The following RASSF5 variants were observed in gnomAD, a reference collection of about 807,000 sequenced individuals.
The protein encoded by RASSF5 is Ras association domain family member 5, also known as ras association domain-containing protein 5.
In RASSF5, 25 loss-of-function variants were observed where a neutral mutation model predicts 40.5. The ratio of observed to expected loss-of-function variants is 0.62; its 90% CI spans 0.45 to 0.86. The LOEUF (loss-of-function observed/expected upper bound fraction) is 0.86, where lower values mean the gene tolerates loss of function less well. RASSF5 is among the 40% of genes least tolerant of loss of function. The probability of loss-of-function intolerance (pLI) is 0.00; values close to 1 mark genes in which losing one functional copy is unlikely to be tolerated. For synonymous variants in RASSF5, 246 were observed against 252.4 expected, an observed-to-expected ratio of 0.97 and a Z score of 0.24; for missense variants, 521 against 572.8, an observed-to-expected ratio of 0.91 and a Z score of 0.92.
rs1370567604 is a variant in RASSF5 at position 206,558,231 on chromosome 1, G to A, written c.579+19938G>A. ...CAGACGAAAACTTCTGGCCTAGGCTGCTGTCATGCTACCACTTTAACTTCC... is the reference window on the plus strand; with the variant it reads ...CAGACGAAAACTTCTGGCCTAGGCTACTGTCATGCTACCACTTTAACTTCC... On this transcript the variant is annotated intron_variant, in intron 2 of 5. Coordinates refer to ENST00000579436, the MANE Select transcript of RASSF5 (RefSeq NM_182663.4). 4.1e-4 allele frequency among the ~76,000 whole-genome samples: 63 copies of A among 152,218 alleles called. 1 individual carries two copies. The highest frequency in any genetic ancestry group is 2.9e-5 in the Non-Finnish European group (2 of 68,032).
intron 1 of RASSF5, among the ~76,000 whole-genome samples, chr1:206,527,593 C>T (rs143878100): frequency 6.6e-6 from 1 of 152,274 alleles, no homozygotes; most frequent in Non-Finnish European, 1.5e-5. Flanking sequence ...ATGCTGGCAG[C>T]CTCCAAGGCT....
At chr1:206,555,642 C>T (rs574153687) in intron 2 of RASSF5, among the ~76,000 whole-genome samples, 2 of 152,338 alleles carry the variant, frequency 1.3e-5, no homozygotes, top group African/African-American at 4.8e-5. Flanking sequence ...GGGTGCTGAC[C>T]GTCTCCCTCC....
At chr1:206,532,180 A>G (rs1667259521) in intron 1 of RASSF5, among the ~76,000 whole-genome samples, 1 of 152,240 alleles carries the variant, frequency 6.6e-6, no homozygotes, top group Non-Finnish European at 1.5e-5. Flanking sequence ...TGTTTTGGAA[A>G]TACCTATAGG....
intron 1 of RASSF5, among the ~76,000 whole-genome samples, chr1:206,519,826 C>G (rs7544154): frequency 0.53 from 81,099 of 151,990 alleles, 21,787 homozygotes; most frequent in South Asian, 0.71. Context: ...AATTTTAATT[C>G]AACTAGCCCT....
At chr1:206,559,066 A>G (rs146152075) in intron 2 of RASSF5, among the ~76,000 whole-genome samples, 63 of 152,358 alleles carry the variant, frequency 4.1e-4, no homozygotes, top group African/African-American at 1.4e-3. Context: ...TTTAGAAAAT[A>G]CTGGTGATAC....
chr1:206,539,716 AG>A (rs1489781240), intron 2 of RASSF5, among the ~76,000 whole-genome samples: 1 of 152,192 alleles, frequency 6.6e-6, no homozygotes, highest in East Asian at 1.9e-4. Context: ...GATGGGACAC[AG>A]GGAAAGGAGA....
intron 2 of RASSF5, among the ~76,000 whole-genome samples, chr1:206,553,688 C>A (rs1447622628): frequency 6.6e-6 from 1 of 152,110 alleles, no homozygotes; most frequent in Non-Finnish European, 1.5e-5. Context: ...GACTTACCCC[C>A]CAAGGAGAGC....
chr1:206,553,505 G>A (rs900102674), intron 2 of RASSF5, among the ~76,000 whole-genome samples: 10 of 152,182 alleles, frequency 6.6e-5, no homozygotes, highest in Admixed American at 5.9e-4. Flanking sequence ...AGCAGGTAGC[G>A]GACAAGGGAG....
chr1:206,581,649 GAGAA>G (rs1437904049), intron 2 of RASSF5, among the ~76,000 whole-genome samples: 5 of 151,194 alleles, frequency 3.3e-5, no homozygotes, highest in African/African-American at 9.8e-5. Flanking sequence ...GAGAGAGAGA[GAGAA>G]AGAAAAGGAA....
At chr1:206,523,651 TA>T (rs1666984116) in intron 1 of RASSF5, among the ~76,000 whole-genome samples, 1 of 99,566 alleles carries the variant, frequency 1.0e-5, no homozygotes, top group African/African-American at 4.1e-5. Context: ...ATAATATATT[TA>T]TATAAAATAT....
At chr1:206,556,264 C>T (rs902108208) in intron 2 of RASSF5, among the ~76,000 whole-genome samples, 2 of 152,240 alleles carry the variant, frequency 1.3e-5, no homozygotes, top group African/African-American at 2.4e-5. Context: ...TCCCAGCACA[C>T]GTGTTCTACC....
chr1:206,569,232 A>G (rs977118219), intron 2 of RASSF5, among the ~76,000 whole-genome samples: 4 of 152,250 alleles, frequency 2.6e-5, no homozygotes, highest in African/African-American at 9.6e-5. Flanking sequence ...CCAGTGGGGT[A>G]CAGAAGCCCA....
rs1668979427 is a variant in RASSF5 at position 206,583,515 on chromosome 1, G to C, written c.690+136G>C. The stretch of plus-strand genomic sequence containing the variant: ...TTTCCTCCGGCCTCCAGAGGCCTCC[G>C]GGGTCTGGAAGGCTGATAGCCAGAG... On this transcript the variant is annotated intron_variant, in intron 3 of 5. Coordinates refer to ENST00000579436, the MANE Select transcript of RASSF5 (RefSeq NM_182663.4). The C allele has an allele frequency of 2.1e-5, 14 of 659,124 alleles. No individual in the cohort carries two copies. In the South Asian group the frequency reaches 2.2e-4, roughly 10 times the overall value. The allele number at this position is 659,124 out of a possible 1,614,324, so 40.8% of individuals were successfully genotyped here.
chr1:206,533,775 T>C (rs1323312963), intron 1 of RASSF5, among the ~76,000 whole-genome samples: 1 of 151,914 alleles, frequency 6.6e-6, no homozygotes, highest in African/African-American at 2.4e-5. Flanking sequence ...AAAAAAAAGT[T>C]CTAACCCCCA....
chr1:206,582,712 G>T (rs1307092025), intron 2 of RASSF5, among the ~76,000 whole-genome samples: 1 of 152,196 alleles, frequency 6.6e-6, no homozygotes, highest in Non-Finnish European at 1.5e-5. Flanking sequence ...CAAGTGATGT[G>T]GGGCCTGGAC....
intron 2 of RASSF5, among the ~76,000 whole-genome samples, chr1:206,573,002 T>C (rs1465099078): frequency 6.6e-6 from 1 of 152,202 alleles, no homozygotes; most frequent in Non-Finnish European, 1.5e-5. Flanking sequence ...AAATGACTAC[T>C]GAAGATGATG....
intron 1 of RASSF5, among the ~76,000 whole-genome samples, chr1:206,527,546 C>T (rs556400376): frequency 2.0e-5 from 3 of 152,228 alleles, no homozygotes; most frequent in African/African-American, 7.2e-5. Context: ...CAATTCAGAG[C>T]AGGCAGACAG....
At chr1:206,520,908 GCA>G (rs1666888362) in intron 1 of RASSF5, among the ~76,000 whole-genome samples, 1 of 152,196 alleles carries the variant, frequency 6.6e-6, no homozygotes, top group African/African-American at 2.4e-5. Context: ...GGACAAGCCT[GCA>G]GCACGGCTGT....
At chr1:206,557,603 G>A (rs1668026440) in intron 2 of RASSF5, 1 of 1,614,190 alleles carries the variant, frequency 6.2e-7, no homozygotes, top group African/African-American at 1.3e-5. Context: ...TGAGCAGTGG[G>A]TACTGCAGCC....
Sources: allele counts gnomAD v4.1 joint callset (sites outside exome capture counted in the v4.1 genomes callset), GRCh38; gene constraint gnomAD v4.1.1; transcripts MANE v1.5; gene names NCBI Gene and HGNC (gene_info 2026-07-23, HGNC 2026-07-21).